The following OTUD7B variants were observed in gnomAD, a reference collection of about 807,000 sequenced individuals.
OTUD7B encodes the protein OTU domain-containing protein 7B.
OTUD7B carries 34 observed loss-of-function variants against 82.2 expected under a neutral mutation model. That is an observed-to-expected ratio of 0.41 (90% confidence interval 0.31 to 0.55). The LOEUF is 0.55. Ranked by LOEUF, OTUD7B falls within the 20% of genes least tolerant of loss-of-function variation. The probability of loss-of-function intolerance (pLI) is 0.20; values close to 1 mark genes in which losing one functional copy is unlikely to be tolerated. For missense variants in OTUD7B, 944 were observed against 1,062.1 expected, an observed-to-expected ratio of 0.89 and a Z score of 1.55; for synonymous variants, 398 against 402.7, an observed-to-expected ratio of 0.99 and a Z score of 0.14.
intron 1 of OTUD7B, among the ~76,000 whole-genome samples, chr1:149,984,805 G>A (rs868964197): frequency 1.3e-5 from 2 of 152,066 alleles, no homozygotes; most frequent in South Asian, 2.1e-4. Context: ...CCAGGGAGCC[G>A]CCCTGGACTT....
At chr1:149,951,294 C>T (rs1648231481) in intron 7 of OTUD7B, among the ~76,000 whole-genome samples, 1 of 149,724 alleles carries the variant, frequency 6.7e-6, no homozygotes, top group Non-Finnish European at 1.5e-5. Flanking sequence ...TTAGTAGAGA[C>T]GGGGTTTCAC....
At chr1:150,019,220 C>T in the OTUD7B span, among the ~76,000 whole-genome samples, 11 of 152,150 alleles carry the variant, frequency 7.2e-5, no homozygotes, top group African/African-American at 1.4e-4. Context: ...TTACCTCTGA[C>T]GTAAACTATT....
chr1:150,005,999 A>G (rs1652638952), intron 1 of OTUD7B, among the ~76,000 whole-genome samples: 1 of 152,192 alleles, frequency 6.6e-6, no homozygotes, highest in Admixed American at 6.5e-5. Context: ...CTACAAATGG[A>G]TTATTCATTT....
At chr1:150,015,633 T>C (rs1208943588), upstream of OTUD7B, among the ~76,000 whole-genome samples, 1 of 152,114 alleles carries the variant, frequency 6.6e-6, no homozygotes. Flanking sequence ...TTCATGGATG[T>C]TTTCTCTCTT....
intron 7 of OTUD7B, among the ~76,000 whole-genome samples, chr1:149,956,114 C>A (rs1339622057): frequency 2.0e-5 from 3 of 152,150 alleles, no homozygotes; most frequent in Non-Finnish European, 2.9e-5. Context: ...TTAGTTGATG[C>A]AGTTTCTTCC....
At chr1:150,022,427 C>T in the OTUD7B span, among the ~76,000 whole-genome samples, 23 of 3,622 alleles carry the variant, frequency 6.4e-3, 10 homozygotes, top group East Asian at 0.011. Context: ...AAAAAAATAA[C>T]TACATGCTGA....
In OTUD7B at chr1:149,942,325, T is replaced by A. The variant is rs1000677090; in HGVS notation, c.*1532A>T. 5.9e-5 allele frequency: 9 copies of A among 152,158 alleles called. No individual in the cohort carries two copies. Among genetic ancestry groups the A allele is most frequent in the African/African-American group, 2.2e-4 (9 of 41,228 alleles). 9.4% of individuals were successfully genotyped at this position (152,158 alleles called of 1,614,324 possible). A position where few individuals can be genotyped will look rare whatever the true frequency, so the allele number is the denominator to read the frequency against. On this transcript the variant is annotated 3_prime_UTR_variant, in exon 12 of 12. Coordinates refer to ENST00000581312, the MANE Select transcript of OTUD7B (RefSeq NM_020205.4). The stretch of plus-strand genomic sequence containing the variant: ...GTTGACTTTTTTTCCCGGAAAAAAA[T>A]ATAAAGAAAAAGGAAAATTGGCCCA...
chr1:150,061,971 G>C, the OTUD7B span, among the ~76,000 whole-genome samples: 1 of 152,154 alleles, frequency 6.6e-6, no homozygotes, highest in Admixed American at 6.5e-5. Flanking sequence ...TTTCGATGCA[G>C]AGATCTACCT....
At chr1:149,995,365 G>A (rs1409591946) in intron 1 of OTUD7B, among the ~76,000 whole-genome samples, 1 of 152,046 alleles carries the variant, frequency 6.6e-6, no homozygotes, top group Admixed American at 6.6e-5. Flanking sequence ...GATCACTTGA[G>A]GTCAGGAGTT....
intron 1 of OTUD7B, among the ~76,000 whole-genome samples, chr1:149,992,467 GTTT>G (rs1166098299): frequency 1.9e-4 from 12 of 61,558 alleles, no homozygotes; most frequent in East Asian, 5.8e-4. Context: ...GTGTGCATGT[GTTT>G]TTTTTTTTTT....
chr1:149,960,612 G>C lies in OTUD7B; in HGVS notation c.733-816C>G, dbSNP rs181565177. ...TTGGCCAGGCTGGTCTCGAACTCCT[G>C]ACCTGGTGATCTGCCTGTCTCAGCC... On this transcript the variant is annotated intron_variant, in intron 6 of 11. Coordinates refer to ENST00000581312, the MANE Select transcript of OTUD7B (RefSeq NM_020205.4). Among the ~76,000 whole-genome samples the C allele has an allele frequency of 1.1e-3, 174 of 151,506 alleles. 1 individual carries two copies. The highest frequency in any genetic ancestry group is 4.1e-3 in the African/African-American group (171 of 41,342).
the OTUD7B span, among the ~76,000 whole-genome samples, chr1:150,052,562 G>A: frequency 6.6e-6 from 1 of 152,160 alleles, no homozygotes; most frequent in South Asian, 2.1e-4. Context: ...TGGATAGGAA[G>A]AACCAATGTC....
At chr1:150,060,854 A>G in the OTUD7B span, among the ~76,000 whole-genome samples, 2 of 152,200 alleles carry the variant, frequency 1.3e-5, no homozygotes, top group African/African-American at 4.8e-5. Flanking sequence ...ACTTGCTCCC[A>G]TGCTAGAAAT....
the OTUD7B span, among the ~76,000 whole-genome samples, chr1:150,041,282 A>C: frequency 1.3e-5 from 2 of 152,054 alleles, no homozygotes; most frequent in African/African-American, 4.8e-5. Flanking sequence ...TAAAATCTTC[A>C]CTATTTCTGT....
At chr1:149,975,586 AAC>A (rs1236301363) in intron 2 of OTUD7B, among the ~76,000 whole-genome samples, 3 of 152,244 alleles carry the variant, frequency 2.0e-5, no homozygotes, top group Non-Finnish European at 4.4e-5. Context: ...TGAAAGAGGA[AAC>A]ATTTGAGCTG....
At chr1:150,018,672 G>A in the OTUD7B span, among the ~76,000 whole-genome samples, 4 of 152,174 alleles carry the variant, frequency 2.6e-5, no homozygotes, top group Non-Finnish European at 5.9e-5. Context: ...AAGACTAGCA[G>A]TTAGAGGTCC....
chr1:150,050,782 G>C, the OTUD7B span, among the ~76,000 whole-genome samples: 1 of 151,926 alleles, frequency 6.6e-6, no homozygotes, highest in East Asian at 1.9e-4. Flanking sequence ...TGATTCAAGG[G>C]CGCCCTCTGT....
At chr1:150,036,066 C>A in the OTUD7B span, among the ~76,000 whole-genome samples, 2 of 151,568 alleles carry the variant, frequency 1.3e-5, no homozygotes, top group Non-Finnish European at 1.5e-5. Flanking sequence ...GATCTTCCCC[C>A]CTCAGCCTTC....
chr1:149,979,605 A>G (rs1650574372), intron 1 of OTUD7B, among the ~76,000 whole-genome samples: 1 of 152,246 alleles, frequency 6.6e-6, no homozygotes, highest in Admixed American at 6.5e-5. Context: ...TAATTATCAG[A>G]AAGAATTACT....
Sources: gnomAD v4.1 joint callset for allele counts (sites outside exome capture counted in the v4.1 genomes callset) on GRCh38, gnomAD v4.1.1 for gene constraint, MANE v1.5 for transcripts, NCBI Gene and HGNC (gene_info 2026-07-23, HGNC 2026-07-21) for gene names.